TDRP: variants seen among roughly 807,000 people sequenced by gnomAD.
TDRP encodes testis development-related protein.
TDRP carries 12 observed loss-of-function variants against 10.5 expected under a neutral mutation model. That is an observed-to-expected ratio of 1.15 (90% CI 0.73 to 1.86). The LOEUF (loss-of-function observed/expected upper bound fraction) is 1.86, where lower values mean the gene tolerates loss of function less well. Among genes scored for constraint, TDRP ranks in the 40% most tolerant of loss-of-function variants. The pLI is 0.00. For missense variants in TDRP, 353 were observed against 229.2 expected (o/e 1.54, Z -3.49); for synonymous variants, 139 against 95.4 (o/e 1.46, Z -2.67).
intron 1 of TDRP, among the ~76,000 whole-genome samples, chr8:509,573 G>A (rs1003605921): frequency 2.0e-5 from 3 of 152,136 alleles, no homozygotes; most frequent in Non-Finnish European, 4.4e-5. Context: ...AGGGCACCAA[G>A]AACCAGGCTA....
intron 1 of TDRP, among the ~76,000 whole-genome samples, chr8:512,041 T>C (rs912538533): frequency 6.6e-6 from 1 of 151,304 alleles, no homozygotes; most frequent in African/African-American, 2.4e-5. Flanking sequence ...AAGCAAAAGG[T>C]AGGAAATCAC....
chr8:509,452 T>C (rs1023686035), intron 1 of TDRP, among the ~76,000 whole-genome samples: 1 of 152,176 alleles, frequency 6.6e-6, no homozygotes, highest in African/African-American at 2.4e-5. Context: ...GGTGCAGTCG[T>C]AGGACCAACA....
At position 494,601 on chromosome 8, in the gene TDRP, A is replaced by G; in HGVS notation, c.109-4T>C. On this transcript the variant is annotated splice_polypyrimidine_tract_variant and splice_region_variant and intron_variant, in intron 1 of 2. Transcript: ENST00000324079. ...CTCGGAAACTTGCTCCCTGAACCTA[A>G]TAAAAGGTTAAGAAAAATGTCAAAT... 6.2e-7 allele frequency: 1 copy of G among 1,612,798 alleles called. No homozygotes were observed.
In TDRP at chr8:538,360, G is replaced by A. The variant is rs1023566078; in HGVS notation, c.108+6290C>T. ...CTGGGAAGGACAAAAGCGAGGTCCT[G>A]ACTAAAGCTGGGTCAGATAGAGTCT... On this transcript the variant is annotated intron_variant, in intron 1 of 2. Coordinates refer to ENST00000324079, the MANE Select transcript of TDRP (RefSeq NM_001384899.1). Among the ~76,000 whole-genome samples, 9 of 152,226 alleles carry A rather than the reference G, an allele frequency of 5.9e-5. No homozygotes were observed. In the East Asian group the frequency reaches 1.3e-3, roughly 23 times the overall value.
At position 532,645 on chromosome 8, in the gene TDRP, G is replaced by A. The variant is rs548878812; in HGVS notation, c.108+12005C>T. Among the ~76,000 whole-genome samples the A allele has an allele frequency of 6.6e-5, 10 of 152,310 alleles. No homozygotes were observed. In the South Asian group the frequency reaches 1.7e-3, roughly 25 times the overall value. Reference sequence around the variant, plus strand: ...CCGGAAGAATATAAGTCAGCTTCATGACTATGCTATTTATTTCTGAGTTTA... The same window carrying A: ...CCGGAAGAATATAAGTCAGCTTCATAACTATGCTATTTATTTCTGAGTTTA... On this transcript the variant is annotated intron_variant, in intron 1 of 2. Coordinates refer to ENST00000324079, the MANE Select transcript of TDRP (RefSeq NM_001384899.1).
intron 1 of TDRP, among the ~76,000 whole-genome samples, chr8:525,921 C>G (rs1371163714): frequency 6.6e-6 from 1 of 152,086 alleles, no homozygotes; most frequent in South Asian, 2.1e-4. Context: ...AGCAGTGAAG[C>G]CATTGGGTCC....
chr8:507,299 T>C (rs868205541), intron 1 of TDRP, among the ~76,000 whole-genome samples: 1 of 151,986 alleles, frequency 6.6e-6, no homozygotes, highest in Non-Finnish European at 1.5e-5. Context: ...AGAAGGAGAT[T>C]TGAGACAAGC....
At chr8:499,278 C>G (rs1369797982) in intron 1 of TDRP, among the ~76,000 whole-genome samples, 2 of 152,172 alleles carry the variant, frequency 1.3e-5, no homozygotes, top group African/African-American at 4.8e-5. Flanking sequence ...GTTACCCAGG[C>G]TGGTGGCCTG....
At chr8:525,189 A>G (rs1484359381) in intron 1 of TDRP, among the ~76,000 whole-genome samples, 1 of 152,134 alleles carries the variant, frequency 6.6e-6, no homozygotes. Context: ...TGAAGGAAAA[A>G]CATTTTTACC....
chr8:535,289 C>T (rs980434050), intron 1 of TDRP, among the ~76,000 whole-genome samples: 1 of 152,116 alleles, frequency 6.6e-6, no homozygotes, highest in South Asian at 2.1e-4. Context: ...ATGGTCCAAC[C>T]ATTTCTAGAC....
In TDRP at chr8:494,608, G is replaced by A. The variant is rs377407643; in HGVS notation, c.109-11C>T. 1.2e-5 allele frequency: 19 copies of A among 1,611,218 alleles called. No homozygotes were observed. Among genetic ancestry groups the A allele is most frequent in the African/African-American group, 1.1e-4 (8 of 74,824 alleles). On this transcript the variant is annotated splice_polypyrimidine_tract_variant and intron_variant, in intron 1 of 2. Transcript: ENST00000324079. The stretch of plus-strand genomic sequence containing the variant: ...ACTTGCTCCCTGAACCTAATAAAAG[G>A]TTAAGAAAAATGTCAAATCTGATGT...
At chr8:532,866 G>C (rs573032507) in intron 1 of TDRP, among the ~76,000 whole-genome samples, 8 of 151,786 alleles carry the variant, frequency 5.3e-5, no homozygotes, top group African/African-American at 1.7e-4. Context: ...AGTTGCCTAC[G>C]GCTGCTTTCA....
intron 1 of TDRP, among the ~76,000 whole-genome samples, chr8:523,863 CA>C (rs2116830785): frequency 6.6e-6 from 1 of 152,232 alleles, no homozygotes; most frequent in African/African-American, 2.4e-5. Flanking sequence ...ATCCAGGGAC[CA>C]GGGGGAACTC....
chr8:538,398 G>A (rs1313469062), intron 1 of TDRP, among the ~76,000 whole-genome samples: 1 of 152,180 alleles, frequency 6.6e-6, no homozygotes, highest in Admixed American at 6.5e-5. Context: ...TGGCAGCTGT[G>A]TAGCCTTCCC....
intron 1 of TDRP, among the ~76,000 whole-genome samples, chr8:534,670 G>A (rs1342453537): frequency 6.6e-6 from 1 of 152,232 alleles, no homozygotes; most frequent in South Asian, 2.1e-4. Context: ...ACATGCCTCA[G>A]CTGGGAAGGA....
intron 1 of TDRP, among the ~76,000 whole-genome samples, chr8:543,994 T>G (rs1202999522): frequency 6.6e-6 from 1 of 151,942 alleles, no homozygotes; most frequent in African/African-American, 2.4e-5. Flanking sequence ...GCCCTTTCAA[T>G]TACAAAATTC....
intron 1 of TDRP, among the ~76,000 whole-genome samples, chr8:510,200 A>G (rs1050962739): frequency 6.6e-6 from 1 of 152,190 alleles, no homozygotes; most frequent in African/African-American, 2.4e-5. Flanking sequence ...ATAATTGGCC[A>G]CATGACTGCA....
intron 1 of TDRP, among the ~76,000 whole-genome samples, chr8:503,273 G>A (rs1801356842): frequency 7.0e-6 from 1 of 143,282 alleles, no homozygotes; most frequent in Non-Finnish European, 1.5e-5. Flanking sequence ...CCACACTAGG[G>A]CAACCCACGT....
At chr8:508,354 G>A (rs893231447) in intron 1 of TDRP, among the ~76,000 whole-genome samples, 6 of 152,156 alleles carry the variant, frequency 3.9e-5, no homozygotes, top group South Asian at 2.1e-4. Flanking sequence ...ATAAAGAACT[G>A]CCCAAGACTG....
Sources: allele counts gnomAD v4.1 joint callset (sites outside exome capture counted in the v4.1 genomes callset), GRCh38; gene constraint gnomAD v4.1.1; transcripts MANE v1.5; gene names NCBI Gene and HGNC (gene_info 2026-07-23, HGNC 2026-07-21).